The following IGFBP7 variants were observed in gnomAD, a reference collection of about 807,000 sequenced individuals.
IGFBP7 encodes the protein insulin-like growth factor-binding protein 7.
A neutral mutation model predicts 29.4 loss-of-function variants in IGFBP7; 31 were observed. The observed-to-expected ratio is 1.05, with a 90% CI of 0.79 to 1.42. The LOEUF (loss-of-function observed/expected upper bound fraction) is 1.42. IGFBP7 is among the 40% of genes most tolerant of loss of function. IGFBP7 has a pLI of 0.00. For synonymous variants in IGFBP7, 172 were observed against 174.9 expected, an observed-to-expected ratio of 0.98 and a Z score of 0.13; for missense variants, 393 against 395.5, an observed-to-expected ratio of 0.99 and a Z score of 0.05.
chr4:57,106,585 C>CT (rs1466103003), intron 1 of IGFBP7, among the ~76,000 whole-genome samples: 1 of 152,050 alleles, frequency 6.6e-6, no homozygotes, highest in African/African-American at 2.4e-5. Flanking sequence ...TTATGTCCTG[C>CT]TAGGTAGTTT....
intron 1 of IGFBP7, among the ~76,000 whole-genome samples, chr4:57,068,285 CAAA>C (rs199520507): frequency 1.6e-4 from 12 of 73,818 alleles, no homozygotes; most frequent in Admixed American, 4.7e-4. Context: ...GACCCTGTCT[CAAA>C]AAAAAAAAAA....
chr4:57,065,809 T>G (rs1483721259), intron 1 of IGFBP7, among the ~76,000 whole-genome samples: 1 of 152,194 alleles, frequency 6.6e-6, no homozygotes, highest in East Asian at 1.9e-4. Flanking sequence ...CATTCACTTC[T>G]CTGGTGGCCT....
rs138122603 is a variant in IGFBP7, at chr4:57,054,303, G to A, written c.476-13370C>T. Among the ~76,000 whole-genome samples the A allele has an allele frequency of 3.7e-3, 480 of 130,630 alleles. 2 individuals carry two copies. The highest frequency in any genetic ancestry group is 0.012 in the African/African-American group (437 of 35,058). The allele number at this position is 130,630 out of a possible 152,430, so 85.7% of individuals were successfully genotyped here. A position where few individuals can be genotyped will look rare whatever the true frequency, so the allele number is the denominator to read the frequency against. ...CTTAGTCTCTATCCGTAGGCCCTGC[G>A]CTGACTAACAAGAATTCTAAGCAAT... is the stretch of plus-strand genomic sequence containing the variant. On this transcript the variant is annotated intron_variant, in intron 1 of 4. Transcript: ENST00000295666.
rs150592688 is a variant in IGFBP7 at position 57,051,004 on chromosome 4, T to A, written c.476-10071A>T. Reference sequence around the variant, plus strand: ...GCATTAATACCAAATAAGGGGAAAATCAGGGTTTAAGAAGGACCTCAGATA... The same window carrying A: ...GCATTAATACCAAATAAGGGGAAAAACAGGGTTTAAGAAGGACCTCAGATA... On this transcript the variant is annotated intron_variant, in intron 1 of 4. Coordinates refer to ENST00000295666, the MANE Select transcript of IGFBP7 (RefSeq NM_001553.3). Among the ~76,000 whole-genome samples the A allele has an allele frequency of 4.1e-3, 631 of 152,162 alleles. 8 individuals carry two copies. The highest frequency in any genetic ancestry group is 0.013 in the African/African-American group (526 of 41,496).
intron 1 of IGFBP7, among the ~76,000 whole-genome samples, chr4:57,097,276 G>A (rs1394484853): frequency 6.6e-6 from 1 of 152,220 alleles, no homozygotes; most frequent in East Asian, 1.9e-4. Context: ...GCAAAGCAAA[G>A]CATGTCCTCT....
At chr4:57,086,986 G>A (rs912468258) in intron 1 of IGFBP7, among the ~76,000 whole-genome samples, 2 of 152,122 alleles carry the variant, frequency 1.3e-5, no homozygotes, top group East Asian at 1.9e-4. Flanking sequence ...CACCTGTCTC[G>A]GCCTCCCAAA....
intron 1 of IGFBP7, among the ~76,000 whole-genome samples, chr4:57,052,669 C>T (rs1326115799): frequency 6.6e-6 from 1 of 152,096 alleles, no homozygotes; most frequent in South Asian, 2.1e-4. Context: ...ATTTGCAGGG[C>T]CAGTCCATCT....
At position 57,105,693 on chromosome 4, in the gene IGFBP7, TG is replaced by T. The variant is rs371094494; in HGVS notation, c.475+4183del. ...GGTCAAGATTCACACCAAGGGAGTC[TG>T]GCTTGAGAGCTCCTCATCTTAACTT... On this transcript the variant is annotated intron_variant, in intron 1 of 4. Coordinates refer to ENST00000295666, the MANE Select transcript of IGFBP7 (RefSeq NM_001553.3). 3.7e-4 allele frequency among the ~76,000 whole-genome samples: 57 copies of T among 152,330 alleles called. No homozygotes were observed. The East Asian group carries it at 0.011, about 29-fold the overall frequency.
chr4:57,106,145 A>G (rs189275481), intron 1 of IGFBP7, among the ~76,000 whole-genome samples: 100 of 152,130 alleles, frequency 6.6e-4, no homozygotes, highest in Non-Finnish European at 1.1e-3. Flanking sequence ...TGATCTCGTG[A>G]TCCGCCCGCC....
intron 1 of IGFBP7, among the ~76,000 whole-genome samples, chr4:57,083,693 A>ACAT (rs1362490218): frequency 6.6e-6 from 1 of 152,258 alleles, no homozygotes; most frequent in African/African-American, 2.4e-5. Context: ...GGTGCGTGGC[A>ACAT]CATAGTATGT....
rs190436528 is a variant in IGFBP7, at chr4:57,091,239, A to G, written c.475+18638T>C. 2.1e-3 allele frequency among the ~76,000 whole-genome samples: 316 copies of G among 152,370 alleles called. 1 individual carries two copies. The highest frequency in any genetic ancestry group is 7.3e-3 in the African/African-American group (304 of 41,596). ...GAGTAACTGGAGACTGTGGAAATGC[A>G]GAGTATTAACTATGCAGGGAATTTA... On this transcript the variant is annotated intron_variant, in intron 1 of 4. Coordinates refer to ENST00000295666, the MANE Select transcript of IGFBP7 (RefSeq NM_001553.3).
chr4:57,100,023 A>G (rs962568880), intron 1 of IGFBP7, among the ~76,000 whole-genome samples: 1 of 150,602 alleles, frequency 6.6e-6, no homozygotes, highest in Admixed American at 6.7e-5. Context: ...GGCATGAGCC[A>G]CTGTGCCCTG....
chr4:57,064,413 T>G (rs1385014397), intron 1 of IGFBP7, among the ~76,000 whole-genome samples: 1 of 152,234 alleles, frequency 6.6e-6, no homozygotes, highest in East Asian at 1.9e-4. Flanking sequence ...ATTTTTATAT[T>G]GGGAAAATGG....
intron 1 of IGFBP7, among the ~76,000 whole-genome samples, chr4:57,077,127 A>AT (rs1725246402): frequency 2.3e-5 from 2 of 88,888 alleles, no homozygotes; most frequent in Non-Finnish European, 4.9e-5. Context: ...AAACAGAAAA[A>AT]CAAAAAACAA....
At chr4:57,060,403 A>G (rs1724772466) in intron 1 of IGFBP7, among the ~76,000 whole-genome samples, 1 of 152,160 alleles carries the variant, frequency 6.6e-6, no homozygotes, top group Admixed American at 6.5e-5. Flanking sequence ...GTGTTTCTTA[A>G]TCTAATTTTA....
intron 1 of IGFBP7, among the ~76,000 whole-genome samples, chr4:57,108,685 G>C (rs1200781552): frequency 1.3e-5 from 2 of 151,834 alleles, no homozygotes; most frequent in African/African-American, 4.8e-5. Context: ...GTGATTACAG[G>C]CATGCACCAC....
intron 1 of IGFBP7, among the ~76,000 whole-genome samples, chr4:57,081,683 G>T (rs761810800): frequency 2.6e-5 from 4 of 152,004 alleles, no homozygotes; most frequent in Non-Finnish European, 5.9e-5. Context: ...CCCCATGGTG[G>T]CAGGGCTTCC....
At chr4:57,056,388 G>A (rs1724674905) in intron 1 of IGFBP7, among the ~76,000 whole-genome samples, 1 of 152,022 alleles carries the variant, frequency 6.6e-6, no homozygotes, top group African/African-American at 2.4e-5. Flanking sequence ...TGTGTGTCTT[G>A]GGTACTTAGG....
intron 2 of IGFBP7, among the ~76,000 whole-genome samples, chr4:57,038,903 C>G (rs903660760): frequency 1.3e-5 from 2 of 151,852 alleles, no homozygotes; most frequent in African/African-American, 4.8e-5. Flanking sequence ...CCTGTCTCTA[C>G]TGAAAATACA....
Sources: gnomAD v4.1 joint callset for allele counts (sites outside exome capture counted in the v4.1 genomes callset) on GRCh38, gnomAD v4.1.1 for gene constraint, MANE v1.5 for transcripts, NCBI Gene and HGNC (gene_info 2026-07-23, HGNC 2026-07-21) for gene names.